SYNCRIP: variants seen among roughly 807,000 people sequenced by gnomAD.
SYNCRIP encodes the protein heterogeneous nuclear ribonucleoprotein Q.
SYNCRIP carries 9 observed loss-of-function variants against 68.9 expected under a neutral mutation model. The observed-to-expected ratio is 0.13, with a 90% CI of 0.08 to 0.23. SYNCRIP has a LOEUF of 0.23. Ranked by LOEUF, SYNCRIP falls within the 10% of genes least tolerant of loss-of-function variation. The probability of loss-of-function intolerance (pLI) is 1.00; values close to 1 mark genes in which losing one functional copy is unlikely to be tolerated. For synonymous variants in SYNCRIP, 258 were observed against 254.0 expected, an observed-to-expected ratio of 1.02 and a Z score of -0.15; for missense variants, 414 against 770.6, an observed-to-expected ratio of 0.54 and a Z score of 5.48.
At chr6:85,638,715 TAAAC>T (rs1808774712) in intron 4 of SYNCRIP, among the ~76,000 whole-genome samples, 1 of 152,196 alleles carries the variant, frequency 6.6e-6, no homozygotes, top group African/African-American at 2.4e-5. Context: ...ATCTATAACA[TAAAC>T]TAAATGAGTA....
At position 85,614,122 on chromosome 6, in the gene SYNCRIP, C is replaced by A; in HGVS notation, c.*634G>T. ...ACACAAGAATTAACAAGGCACAAAA[C>A]CCTTTAATTGGCCTTGACATGCTAT... On this transcript the variant is annotated 3_prime_UTR_variant, in exon 11 of 11. Coordinates refer to ENST00000369622, the MANE Select transcript of SYNCRIP (RefSeq NM_006372.5). 2.0e-6 allele frequency: 2 copies of A among 985,786 alleles called. No individual in the cohort carries two copies. Among genetic ancestry groups the A allele is most frequent in the Non-Finnish European group, 2.4e-6 (2 of 829,934 alleles). The allele number at this position is 985,786 out of a possible 1,614,324, so 61.1% of individuals were successfully genotyped here.
intron 8 of SYNCRIP, among the ~76,000 whole-genome samples, chr6:85,621,835 G>A (rs548751959): frequency 1.3e-5 from 2 of 149,430 alleles, no homozygotes; most frequent in East Asian, 3.9e-4. Context: ...CCAAAACCAT[G>A]TAAACTAATG....
rs368115661 is a variant in SYNCRIP, at chr6:85,616,525, T to G, written c.1281-1178A>C. Among the ~76,000 whole-genome samples the G allele has an allele frequency of 8.5e-5, 13 of 152,200 alleles. No individual in the cohort carries two copies. The East Asian group carries it at 2.1e-3, about 25-fold the overall frequency. On this transcript the variant is annotated intron_variant, in intron 10 of 10. Transcript: ENST00000369622. ...TTTTAGTAGAGATGGGGTTTCACCATGTTGGCCAGGCTGGTCTCGAACTCC... is the reference window on the plus strand; with the variant it reads ...TTTTAGTAGAGATGGGGTTTCACCAGGTTGGCCAGGCTGGTCTCGAACTCC...
chr6:85,629,516 C>CAAAAAAAAAAAAAAAAAA (rs781083306), intron 6 of SYNCRIP, among the ~76,000 whole-genome samples: 13 of 64,832 alleles, frequency 2.0e-4, no homozygotes, highest in Non-Finnish European at 2.3e-4. Flanking sequence ...ACTAAAAATA[C>CAAAAAAAAAAAAAAAAAA]AAAAAAAAAA....
intron 4 of SYNCRIP, among the ~76,000 whole-genome samples, chr6:85,639,755 A>T (rs1808910098): frequency 1.3e-5 from 2 of 152,268 alleles, no homozygotes; most frequent in African/African-American, 4.8e-5. Flanking sequence ...CTACATACCC[A>T]CACTAAACAA....
chr6:85,632,283 CAATCTTGTCTGATCTATAAAT>C, intron 6 of SYNCRIP, among the ~76,000 whole-genome samples: 1 of 152,306 alleles, frequency 6.6e-6, no homozygotes, highest in Non-Finnish European at 1.5e-5. Context: ...AGAGGTGCTT[CAATCTTGTCTGATCTATAAAT>C]AATGCAAAGG....
intron 10 of SYNCRIP, among the ~76,000 whole-genome samples, chr6:85,616,771 G>A (rs978059750): frequency 6.6e-5 from 10 of 152,132 alleles, no homozygotes; most frequent in Non-Finnish European, 1.3e-4. Context: ...AGGAAATGAT[G>A]GAAAGATCAT....
chr6:85,607,823 A>T (rs529984775), downstream of SYNCRIP: 1 of 152,214 alleles, frequency 6.6e-6, no homozygotes, highest in South Asian at 2.1e-4. Context: ...TCCCACACTC[A>T]AAGTCAAACT....
At position 85,614,713 on chromosome 6, in the gene SYNCRIP, G is replaced by C; in HGVS notation, c.*43C>G. The C allele has an allele frequency of 1.3e-6, 2 of 1,513,898 alleles. No homozygotes were observed. The highest frequency in any genetic ancestry group is 1.8e-6 in the Non-Finnish European group (2 of 1,132,786). The allele number at this position is 1,513,898 out of a possible 1,614,324, so 93.8% of individuals were successfully genotyped here. A position where few individuals can be genotyped will look rare whatever the true frequency, so the allele number is the denominator to read the frequency against. On this transcript the variant is annotated 3_prime_UTR_variant, in exon 11 of 11. Coordinates refer to ENST00000369622, the MANE Select transcript of SYNCRIP (RefSeq NM_006372.5). Reference sequence around the variant, plus strand: ...CCGTTCAGATTTAGGGTGAGTTTCTGATCAACCTATCAGTCTCCAATTTTA... The same window carrying C: ...CCGTTCAGATTTAGGGTGAGTTTCTCATCAACCTATCAGTCTCCAATTTTA...
intron 7 of SYNCRIP, among the ~76,000 whole-genome samples, chr6:85,623,737 G>A (rs1403725955): frequency 6.6e-6 from 1 of 152,088 alleles, no homozygotes; most frequent in Non-Finnish European, 1.5e-5. Context: ...TGATTTTGCA[G>A]AATGAATTCA....
At chr6:85,640,414 T>G in intron 3 of SYNCRIP, 32 bp downstream of exon 3, 3 of 1,584,104 alleles carry the variant, frequency 1.9e-6, no homozygotes, top group Non-Finnish European at 2.6e-6. Context: ...ACTACTCAAA[T>G]TTTTTAATTT....
rs890422943 is a variant in SYNCRIP at position 85,620,753 on chromosome 6, T to C, written c.1009-1336A>G. Among the ~76,000 whole-genome samples, 8 of 152,218 alleles carry C rather than the reference T, an allele frequency of 5.3e-5. No individual in the cohort carries two copies. The South Asian group carries it at 6.2e-4, about 12-fold the overall frequency. On this transcript the variant is annotated intron_variant, in intron 8 of 10. Coordinates refer to ENST00000369622, the MANE Select transcript of SYNCRIP (RefSeq NM_006372.5). ...GCCTGTGTAGGGGGCAGAAGTCATA[T>C]GGCAATTCTGTGCTTTCTGCTGTAA...
chr6:85,632,884 T>C (rs967860050), intron 6 of SYNCRIP, among the ~76,000 whole-genome samples: 7 of 152,198 alleles, frequency 4.6e-5, no homozygotes, highest in East Asian at 3.9e-4. Flanking sequence ...TTAGTGAGCA[T>C]TGATCATGAC....
At chr6:85,619,734 A>G (rs1167276310) in intron 8 of SYNCRIP, among the ~76,000 whole-genome samples, 1 of 152,184 alleles carries the variant, frequency 6.6e-6, no homozygotes, top group African/African-American at 2.4e-5. Context: ...AACACACTAT[A>G]AATGCAGGTA....
intron 6 of SYNCRIP, among the ~76,000 whole-genome samples, chr6:85,630,481 G>T (rs1807614823): frequency 6.6e-6 from 1 of 152,190 alleles, no homozygotes; most frequent in African/African-American, 2.4e-5. Context: ...AGATTGTCAT[G>T]GAATTGCAGC....
At chr6:85,615,654 C>T (rs1441147439) in intron 10 of SYNCRIP, among the ~76,000 whole-genome samples, 4 of 152,092 alleles carry the variant, frequency 2.6e-5, no homozygotes, top group African/African-American at 9.7e-5. Context: ...GTCAAATTTG[C>T]CACTTTAGGG....
intron 6 of SYNCRIP, among the ~76,000 whole-genome samples, chr6:85,633,130 C>T (rs1013933080): frequency 3.3e-5 from 5 of 151,796 alleles, no homozygotes; most frequent in African/African-American, 1.2e-4. Context: ...GTGGTGGGTG[C>T]CTGTAGTACC....
chr6:85,631,589 G>A (rs752746096), intron 6 of SYNCRIP, among the ~76,000 whole-genome samples: 7 of 152,124 alleles, frequency 4.6e-5, no homozygotes, highest in Non-Finnish European at 8.8e-5. Context: ...GACTAACTAG[G>A]GTAGTAGCAG....
At position 85,622,635 on chromosome 6, in the gene SYNCRIP, G is replaced by A. The variant is rs774480551; in HGVS notation, c.855C>T (p.Asn285=). Residue 285 remains asparagine, a synonymous_variant, in exon 8 of 11, where the codon AAC becomes AAT. Transcript: ENST00000369622. ...CATATTCAAGAAAGCAAAAGCCTCTGTTTTTTTTCTTGTCATCCGGTTGGT... is the reference window on the plus strand; with the variant it reads ...CATATTCAAGAAAGCAAAAGCCTCTATTTTTTTTCTTGTCATCCGGTTGGT... ...LYHQPDDKKK[N]RGFCFLEYED... 2.5e-6 allele frequency: 4 copies of A among 1,613,880 alleles called. No individual in the cohort carries two copies. In the East Asian group the frequency reaches 6.7e-5, roughly 27 times the overall value.
Sources: gnomAD v4.1 joint callset for allele counts (sites outside exome capture counted in the v4.1 genomes callset) on GRCh38, gnomAD v4.1.1 for gene constraint, MANE v1.5 for transcripts, NCBI Gene and HGNC (gene_info 2026-07-23, HGNC 2026-07-21) for gene names.